NELL2: variants seen among roughly 807,000 people sequenced by gnomAD.
NELL2 encodes neural EGFL like 2.
Under a neutral mutation model 109.6 loss-of-function variants are expected in NELL2, and 41 were observed. The ratio of observed to expected loss-of-function variants is 0.37; its 90% CI spans 0.29 to 0.49. The LOEUF (loss-of-function observed/expected upper bound fraction) is 0.49, where lower values mean the gene tolerates loss of function less well. Ranked by LOEUF, NELL2 falls within the 20% of genes least tolerant of loss-of-function variation. The pLI is 0.98. For synonymous variants in NELL2, 355 were observed against 344.7 expected (o/e 1.03, Z -0.33); for missense variants, 900 against 1,008.3 (o/e 0.89, Z 1.45).
At chr12:44,909,784 C>G (rs181281509) in intron 1 of NELL2, among the ~76,000 whole-genome samples, 68 of 148,928 alleles carry the variant, frequency 4.6e-4, no homozygotes, top group African/African-American at 1.6e-3. Context: ...TATACACACA[C>G]ACAGCAATGG....
At chr12:44,582,600 G>A (rs918167809) in intron 15 of NELL2, among the ~76,000 whole-genome samples, 1 of 152,034 alleles carries the variant, frequency 6.6e-6, no homozygotes. Flanking sequence ...GTGGCCGAAA[G>A]GTAGAATGCT....
intron 9 of NELL2, among the ~76,000 whole-genome samples, chr12:44,774,407 TTGCAGCCG>T (rs1317452991): frequency 1.3e-5 from 2 of 152,198 alleles, no homozygotes; most frequent in Non-Finnish European, 2.9e-5. Flanking sequence ...TCTTTGGTTA[TTGCAGCCG>T]TGTGAACCAT....
At chr12:44,793,793 T>C (rs1446048747) in intron 3 of NELL2, among the ~76,000 whole-genome samples, 1 of 152,094 alleles carries the variant, frequency 6.6e-6, no homozygotes, top group Non-Finnish European at 1.5e-5. Context: ...AAGGAAGATA[T>C]GTCAAAAGGA....
rs550891987 is a variant in NELL2, at chr12:44,665,350, A to G, written c.1444+134T>C. 4.4e-5 allele frequency: 31 copies of G among 708,172 alleles called. No individual in the cohort carries two copies. In the African/African-American group the frequency reaches 4.5e-4, roughly 10 times the overall value. 43.9% of individuals were successfully genotyped at this position (708,172 alleles called of 1,614,324 possible). A position where few individuals can be genotyped will look rare whatever the true frequency, so the allele number is the denominator to read the frequency against. On this transcript the variant is annotated intron_variant, in intron 13 of 19. Coordinates refer to ENST00000429094, the MANE Select transcript of NELL2 (RefSeq NM_001145108.2). ...GAACAGATTAAGAAATAACTACCAA[A>G]TCAAGAAGATATGATTTTGCTAATG...
At chr12:44,609,411 A>G (rs1410629882) in intron 14 of NELL2, among the ~76,000 whole-genome samples, 1 of 152,064 alleles carries the variant, frequency 6.6e-6, no homozygotes, top group Non-Finnish European at 1.5e-5. Flanking sequence ...GGACAGTGAG[A>G]GATCTCATCA....
At chr12:44,547,589 C>T (rs962580194) in intron 15 of NELL2, among the ~76,000 whole-genome samples, 3 of 152,056 alleles carry the variant, frequency 2.0e-5, no homozygotes, top group Non-Finnish European at 2.9e-5. Context: ...TCCATATATG[C>T]ATTGCTTTTT....
At chr12:44,696,363 C>T (rs1949062174) in intron 12 of NELL2, among the ~76,000 whole-genome samples, 1 of 152,180 alleles carries the variant, frequency 6.6e-6, no homozygotes, top group Non-Finnish European at 1.5e-5. Context: ...GCACCTTATA[C>T]ATACCAGATA....
upstream of NELL2, among the ~76,000 whole-genome samples, chr12:44,918,309 T>C (rs1021560029): frequency 5.3e-5 from 8 of 152,244 alleles, no homozygotes. Context: ...CAAATTGTTT[T>C]GCTAATGATC....
chr12:44,686,073 CTT>C (rs1314939760), intron 12 of NELL2, among the ~76,000 whole-genome samples: 1 of 152,184 alleles, frequency 6.6e-6, no homozygotes, highest in Non-Finnish European at 1.5e-5. Context: ...TAGATTTGGT[CTT>C]TTCACATAGT....
chr12:44,831,299 G>C (rs902515543), intron 2 of NELL2, among the ~76,000 whole-genome samples: 1 of 151,976 alleles, frequency 6.6e-6, no homozygotes, highest in African/African-American at 2.4e-5. Context: ...CCCATTTCAC[G>C]AACAGATTAC....
chr12:44,742,636 A>T (rs887852498), intron 9 of NELL2, among the ~76,000 whole-genome samples: 25 of 151,966 alleles, frequency 1.6e-4, no homozygotes, highest in South Asian at 6.2e-4. Context: ...GCTGAAAACC[A>T]AGACACTACG....
At position 44,849,943 on chromosome 12, in the gene NELL2, A is replaced by G. The variant is rs118081807; in HGVS notation, c.184+25282T>C. On this transcript the variant is annotated intron_variant, in intron 2 of 19. Transcript: ENST00000429094. The stretch of plus-strand genomic sequence containing the variant: ...AATCCAAATATAGCAAAACTAGTCT[A>G]TTTTGTGAAAAAACAGAGAGTAATT... Among the ~76,000 whole-genome samples the G allele has an allele frequency of 6.1e-4, 93 of 152,284 alleles. 1 individual carries two copies. The East Asian group carries it at 0.018, about 29-fold the overall frequency.
chr12:44,889,917 G>A (rs1296784376), intron 1 of NELL2, among the ~76,000 whole-genome samples: 1 of 152,162 alleles, frequency 6.6e-6, no homozygotes, highest in East Asian at 1.9e-4. Context: ...CTCAGCTACT[G>A]CCATTAGAAT....
At chr12:44,875,070 AG>A in intron 2 of NELL2, 154 bp downstream of exon 2, 1 of 996,784 alleles carries the variant, frequency 1.0e-6, no homozygotes, top group South Asian at 1.8e-5. Context: ...CACTTAAAAG[AG>A]ATAGGGATAT....
rs1944866958 is a variant in NELL2 at position 44,862,326 on chromosome 12, C to G, written c.184+12899G>C. Among the ~76,000 whole-genome samples, 4 of 152,284 alleles carry G rather than the reference C, an allele frequency of 2.6e-5. No individual in the cohort carries two copies. The South Asian group carries it at 8.3e-4, about 32-fold the overall frequency. On this transcript the variant is annotated intron_variant, in intron 2 of 19. Coordinates refer to ENST00000429094, the MANE Select transcript of NELL2 (RefSeq NM_001145108.2). Reference sequence around the variant, plus strand: ...AAGACATCATTCTATTTATAGCATTCTGTTTTTAATAGTGGTATTTCCATT... The same window carrying G: ...AAGACATCATTCTATTTATAGCATTGTGTTTTTAATAGTGGTATTTCCATT...
At chr12:44,878,829 T>A (rs1219157014), upstream of NELL2, among the ~76,000 whole-genome samples, 1 of 152,194 alleles carries the variant, frequency 6.6e-6, no homozygotes, top group Non-Finnish European at 1.5e-5. Flanking sequence ...TTGCTTGCAA[T>A]CATTGTTGTA....
intron 13 of NELL2, among the ~76,000 whole-genome samples, chr12:44,614,916 G>C (rs955209433): frequency 6.6e-6 from 1 of 152,048 alleles, no homozygotes; most frequent in South Asian, 2.1e-4. Flanking sequence ...CAGAAAATAG[G>C]AGTGAAAAGT....
chr12:44,631,456 G>C (rs1946454345), intron 13 of NELL2, among the ~76,000 whole-genome samples: 1 of 151,808 alleles, frequency 6.6e-6, no homozygotes, highest in African/African-American at 2.4e-5. Flanking sequence ...GGAAATATTA[G>C]ATAGAAATTT....
intron 3 of NELL2, among the ~76,000 whole-genome samples, chr12:44,814,817 T>C (rs974908434): frequency 1.5e-4 from 23 of 152,226 alleles, no homozygotes; most frequent in African/African-American, 5.3e-4. Context: ...TTACGTTTGC[T>C]CTTTAGTATT....
Sources: allele counts gnomAD v4.1 joint callset (sites outside exome capture counted in the v4.1 genomes callset), GRCh38; gene constraint gnomAD v4.1.1; transcripts MANE v1.5; gene names NCBI Gene and HGNC (gene_info 2026-07-23, HGNC 2026-07-21).